Variants in SLC33A1 observed in about 807,000 individuals in gnomAD.
SLC33A1 encodes acetyl-coenzyme A transporter 1.
Under a neutral mutation model 50.0 loss-of-function variants are expected in SLC33A1, and 20 were observed. The ratio of observed to expected loss-of-function variants is 0.40; its 90% CI spans 0.28 to 0.58. The LOEUF (loss-of-function observed/expected upper bound fraction) is 0.58. Ranked by LOEUF, SLC33A1 falls within the 20% of genes least tolerant of loss-of-function variation. SLC33A1 has a pLI of 0.44. For synonymous variants in SLC33A1, 265 were observed against 251.8 expected (o/e 1.05, Z -0.50); for missense variants, 476 against 657.0 (o/e 0.72, Z 3.01).
chr3:155,835,090 G>A (rs1577461704), intron 2 of SLC33A1, among the ~76,000 whole-genome samples: 1 of 152,172 alleles, frequency 6.6e-6, no homozygotes, highest in South Asian at 2.1e-4. Context: ...ATATTGAGTT[G>A]TGGTTTTGTA....
chr3:155,842,304 A>T (rs974075310), intron 2 of SLC33A1, 128 bp downstream of exon 2: 17 of 625,060 alleles, frequency 2.7e-5, no homozygotes, highest in Admixed American at 6.0e-5. Context: ...TAAACAGAAA[A>T]TATTGTTTTT....
At chr3:155,838,378 A>T (rs969102999) in intron 2 of SLC33A1, among the ~76,000 whole-genome samples, 8 of 151,448 alleles carry the variant, frequency 5.3e-5, no homozygotes, top group African/African-American at 1.9e-4. Context: ...CTCTACAGAA[A>T]ATGTAAAAAT....
intron 4 of SLC33A1, among the ~76,000 whole-genome samples, chr3:155,831,508 T>C (rs2109308359): frequency 2.8e-5 from 4 of 141,252 alleles, no homozygotes; most frequent in Middle Eastern, 7.9e-3. Context: ...GAAGGAATCA[T>C]TAAGGCACTA....
At chr3:155,841,586 A>G (rs570789622) in intron 2 of SLC33A1, among the ~76,000 whole-genome samples, 1 of 152,268 alleles carries the variant, frequency 6.6e-6, no homozygotes, top group East Asian at 1.9e-4. Flanking sequence ...TGTTAAAAAT[A>G]TTTTTAGAAC....
At chr3:155,828,474 T>A in intron 5 of SLC33A1, 97 bp from the exon 6 acceptor site, 1 of 758,932 alleles carries the variant, frequency 1.3e-6, no homozygotes, top group Non-Finnish European at 2.3e-6. Context: ...AAAATATATT[T>A]TTCTTAAAAC....
At chr3:155,836,019 T>G (rs1752642553) in intron 2 of SLC33A1, among the ~76,000 whole-genome samples, 2 of 151,224 alleles carry the variant, frequency 1.3e-5, no homozygotes, top group Admixed American at 6.6e-5. Context: ...ACGCGGTGGC[T>G]CATGCCTGTA....
chr3:155,845,850 G>C (rs574418139), intron 1 of SLC33A1, among the ~76,000 whole-genome samples: 1 of 151,988 alleles, frequency 6.6e-6, no homozygotes, highest in African/African-American at 2.4e-5. Context: ...TTTGATTTAT[G>C]TATTTTATCA....
intron 2 of SLC33A1, among the ~76,000 whole-genome samples, chr3:155,840,617 C>T (rs1391930218): frequency 6.6e-6 from 1 of 151,830 alleles, no homozygotes; most frequent in Non-Finnish European, 1.5e-5. Flanking sequence ...GAGTTCAAGA[C>T]CAGCCTGACC....
At chr3:155,842,359 A>T in intron 2 of SLC33A1, 73 bp downstream of exon 2, 1 of 898,958 alleles carries the variant, frequency 1.1e-6, no homozygotes, top group Non-Finnish European at 1.8e-6. Flanking sequence ...TGTGATATGA[A>T]AAAGGCATTG....
intron 2 of SLC33A1, among the ~76,000 whole-genome samples, chr3:155,835,453 T>G (rs967295679): frequency 6.6e-6 from 1 of 152,174 alleles, no homozygotes; most frequent in African/African-American, 2.4e-5. Context: ...AAGAGCAGCC[T>G]GAAAAACTTG....
Position 155,846,232 on chromosome 3 carries a change from T to C in SLC33A1, c.776-3613A>G, listed in dbSNP as rs1170230312. Among the ~76,000 whole-genome samples, 4 of 152,208 alleles carry C rather than the reference T, an allele frequency of 2.6e-5. No individual in the cohort carries two copies. In the East Asian group the frequency reaches 5.8e-4, roughly 22 times the overall value. Reference sequence around the variant, plus strand: ...GATAGGCATTATTACTCCTACTTTATATACAAGGAAACAGAATCACAAGCC... The same window carrying C: ...GATAGGCATTATTACTCCTACTTTACATACAAGGAAACAGAATCACAAGCC... On this transcript the variant is annotated intron_variant, in intron 1 of 5. Coordinates refer to ENST00000643144, the MANE Select transcript of SLC33A1 (RefSeq NM_004733.4).
intron 2 of SLC33A1, among the ~76,000 whole-genome samples, chr3:155,841,144 C>T (rs1752920483): frequency 6.6e-6 from 1 of 151,900 alleles, no homozygotes; most frequent in Non-Finnish European, 1.5e-5. Flanking sequence ...TGGCTCACTG[C>T]AAACTCCACC....
At chr3:155,836,836 G>A (rs1752700506) in intron 2 of SLC33A1, among the ~76,000 whole-genome samples, 1 of 152,108 alleles carries the variant, frequency 6.6e-6, no homozygotes, top group Non-Finnish European at 1.5e-5. Flanking sequence ...GGGCTGCAAT[G>A]AGCTGTGATG....
In SLC33A1 at chr3:155,853,392, T is replaced by C; in HGVS notation, c.606A>G (p.Leu202=). ...TQDIAVDGWA[L]TMLSRENVGY... is the part of the protein sequence containing the mutation. ...CCACATTTTCCCTGGATAACATAGT[T>C]AACGCCCAACCATCGACGGCAATGT... The change falls in exon 1 of 6, where the codon TTA becomes TTG. Residue 202 remains leucine (L), a synonymous_variant. Transcript: ENST00000643144. 5 of 1,614,048 alleles carry C rather than the reference T, an allele frequency of 3.1e-6. No individual in the cohort carries two copies. Among genetic ancestry groups the C allele is most frequent in the Non-Finnish European group, 4.2e-6 (5 of 1,180,028 alleles).
chr3:155,835,388 G>A (rs756891903), intron 2 of SLC33A1, among the ~76,000 whole-genome samples: 22 of 152,250 alleles, frequency 1.4e-4, no homozygotes, highest in Admixed American at 2.0e-4. Flanking sequence ...AAGAGACCTC[G>A]GCAGAGCTTC....
chr3:155,830,183 G>A (rs1291880210), intron 4 of SLC33A1, among the ~76,000 whole-genome samples: 1 of 147,310 alleles, frequency 6.8e-6, no homozygotes, highest in Non-Finnish European at 1.5e-5. Context: ...CTAACACGGT[G>A]AAACCCTGTC....
intron 2 of SLC33A1, among the ~76,000 whole-genome samples, chr3:155,837,355 C>CA (rs370005455): frequency 0.27 from 18,730 of 68,656 alleles, 2,054 homozygotes; most frequent in African/African-American, 0.31. Context: ...GACTCCGTCT[C>CA]AAAAAAAAAA....
At position 155,828,396 on chromosome 3, in the gene SLC33A1, A is replaced by G; in HGVS notation, c.1483-19T>C. 1 of 1,477,528 alleles carries G rather than the reference A, an allele frequency of 6.8e-7. No homozygotes were observed. Among genetic ancestry groups the G allele is most frequent in the South Asian group, 1.1e-5 (1 of 88,066 alleles). 91.5% of individuals were successfully genotyped at this position (1,477,528 alleles called of 1,614,324 possible). On this transcript the variant is annotated intron_variant, in intron 5 of 5. Coordinates refer to ENST00000643144, the MANE Select transcript of SLC33A1 (RefSeq NM_004733.4). ...TGCAAAGCTGTAAAAATAAAACTAT[A>G]ATAAATACTCCACAATTTCAAAATG...
intron 1 of SLC33A1, among the ~76,000 whole-genome samples, chr3:155,850,686 G>A (rs558953356): frequency 4.5e-4 from 68 of 150,970 alleles, no homozygotes; most frequent in Middle Eastern, 3.4e-3. Flanking sequence ...GTGCGATCTC[G>A]GTTCACTGCA....
Sources: gnomAD v4.1 joint callset for allele counts (sites outside exome capture counted in the v4.1 genomes callset) on GRCh38, gnomAD v4.1.1 for gene constraint, MANE v1.5 for transcripts, NCBI Gene and HGNC (gene_info 2026-07-23, HGNC 2026-07-21) for gene names.